Variants in ESCO2 observed in about 807,000 individuals in gnomAD.
ESCO2 encodes establishment of sister chromatid cohesion N-acetyltransferase 2.
In ESCO2, 51 loss-of-function variants were observed where a neutral mutation model predicts 61.7. That is an observed-to-expected ratio of 0.83 (90% CI 0.66 to 1.04). The LOEUF is 1.04. Among genes scored for constraint, ESCO2 ranks in the 50% least tolerant of loss-of-function variants. The probability of loss-of-function intolerance (pLI) is 0.00; values close to 1 mark genes in which losing one functional copy is unlikely to be tolerated. For missense variants in ESCO2, 692 were observed against 686.2 expected (o/e 1.01, Z -0.09); for synonymous variants, 230 against 238.2 (o/e 0.97, Z 0.32).
At chr8:27,809,184 G>A (rs1805620803), downstream of ESCO2, among the ~76,000 whole-genome samples, 1 of 152,138 alleles carries the variant, frequency 6.6e-6, no homozygotes, top group Non-Finnish European at 1.5e-5. Context: ...AGACCCTATT[G>A]AGTATCAGGA....
At chr8:27,819,325 T>G in the ESCO2 span, among the ~76,000 whole-genome samples, 1 of 122,010 alleles carries the variant, frequency 8.2e-6, no homozygotes, top group Non-Finnish European at 1.8e-5. Flanking sequence ...CAGTTGAATA[T>G]TCAACTTAAC....
downstream of ESCO2, among the ~76,000 whole-genome samples, chr8:27,811,783 T>C (rs562501935): frequency 6.6e-5 from 10 of 152,214 alleles, no homozygotes; most frequent in South Asian, 1.9e-3. Context: ...CAGTCATATA[T>C]TTCTCCACTT....
chr8:27,792,170 A>T (rs577199501), intron 8 of ESCO2, 118 bp downstream of exon 8: 1 of 917,962 alleles, frequency 1.1e-6, no homozygotes, highest in Non-Finnish European at 1.8e-6. Context: ...CTTAATGATT[A>T]CTTTCATAGC....
intron 9 of ESCO2, among the ~76,000 whole-genome samples, chr8:27,799,261 A>G (rs895387532): frequency 1.3e-5 from 2 of 152,166 alleles, no homozygotes; most frequent in African/African-American, 4.8e-5. Context: ...AGAGAGTTTT[A>G]TATACTTTAT....
At chr8:27,782,146 T>C (rs1368773445) in intron 4 of ESCO2, among the ~76,000 whole-genome samples, 2 of 152,244 alleles carry the variant, frequency 1.3e-5, no homozygotes, top group African/African-American at 2.4e-5. Context: ...TCTCGGACAG[T>C]GAGACACTTA....
At chr8:27,782,931 A>C (rs1804957404) in intron 4 of ESCO2, among the ~76,000 whole-genome samples, 1 of 152,020 alleles carries the variant, frequency 6.6e-6, no homozygotes, top group Admixed American at 6.6e-5. Context: ...CATTTCTCAC[A>C]GTCTGCATTC....
At chr8:27,818,266 C>T in the ESCO2 span, among the ~76,000 whole-genome samples, 1 of 152,212 alleles carries the variant, frequency 6.6e-6, no homozygotes, top group Non-Finnish European at 1.5e-5. Context: ...ACAAGTTCTA[C>T]TTAGTGTATG....
At chr8:27,810,998 C>T (rs2272691), downstream of ESCO2, 7,517 of 1,610,960 alleles carry the variant, frequency 4.7e-3, 143 homozygotes, top group African/African-American at 0.052. Context: ...TGTGTGGAAT[C>T]GATAAAGTCA....
At chr8:27,801,967 G>A (rs1035437982) in intron 10 of ESCO2, among the ~76,000 whole-genome samples, 2 of 103,398 alleles carry the variant, frequency 1.9e-5, no homozygotes, top group African/African-American at 6.5e-5. Flanking sequence ...GTCCTTCATG[G>A]CATTTTTTTT....
At chr8:27,786,725 C>T (rs1331876330) in intron 5 of ESCO2, among the ~76,000 whole-genome samples, 1 of 150,480 alleles carries the variant, frequency 6.6e-6, no homozygotes, top group East Asian at 1.9e-4. Flanking sequence ...AACTACTTTT[C>T]AGACAAATGG....
At chr8:27,799,802 A>G in intron 10 of ESCO2, 86 bp downstream of exon 10, 1 of 1,439,790 alleles carries the variant, frequency 6.9e-7, no homozygotes, top group Non-Finnish European at 9.8e-7. Context: ...AGGGAAGGAT[A>G]TTGGTAAGAT....
chr8:27,800,283 CAAT>C lies in ESCO2; in HGVS notation c.1673+570_1673+572del, dbSNP rs1193552605. ...TACCCATAAAATAATTCTTATAACA[CAAT>C]AAAAAGACAACCTAATTTAAAAATG... On this transcript the variant is annotated intron_variant, in intron 10 of 10. Coordinates refer to ENST00000305188, the MANE Select transcript of ESCO2 (RefSeq NM_001017420.3). 2.0e-5 allele frequency among the ~76,000 whole-genome samples: 3 copies of C among 152,202 alleles called. No homozygotes were observed. The South Asian group carries it at 6.2e-4, about 32-fold the overall frequency.
chr8:27,819,361 GT>G, the ESCO2 span, among the ~76,000 whole-genome samples: 5 of 151,822 alleles, frequency 3.3e-5, no homozygotes, highest in Non-Finnish European at 5.9e-5. Flanking sequence ...TAATGAAAAT[GT>G]TTCCTTTGAG....
At chr8:27,791,295 T>C (rs2128955692) in intron 7 of ESCO2, among the ~76,000 whole-genome samples, 1 of 152,256 alleles carries the variant, frequency 6.6e-6, no homozygotes, top group Middle Eastern at 3.4e-3. Context: ...ACCTCATTTT[T>C]TCCAATCAGT....
At chr8:27,808,684 CAAAAAAA>C (rs34162059), downstream of ESCO2, among the ~76,000 whole-genome samples, 2 of 106,590 alleles carry the variant, frequency 1.9e-5, no homozygotes, top group Non-Finnish European at 3.7e-5. Flanking sequence ...GACCCTGTCT[CAAAAAAA>C]AAAAAAAAAA....
rs1050127012 is a variant in ESCO2, at chr8:27,803,764, T to C, written c.*326T>C. On this transcript the variant is annotated 3_prime_UTR_variant, in exon 11 of 11. Transcript: ENST00000305188. Reference sequence around the variant, plus strand: ...TGTAAGAGTATTAAATACAAAGTGATTTTTCTCTAGAAATGTGACCTGGTC... The same window carrying C: ...TGTAAGAGTATTAAATACAAAGTGACTTTTCTCTAGAAATGTGACCTGGTC... 3 of 1,057,430 alleles carry C rather than the reference T, an allele frequency of 2.8e-6. No homozygotes were observed. The African/African-American group carries it at 5.1e-5, about 18-fold the overall frequency. 65.5% of individuals were successfully genotyped at this position (1,057,430 alleles called of 1,614,324 possible). A position where few individuals can be genotyped will look rare whatever the true frequency, so the allele number is the denominator to read the frequency against.
At chr8:27,777,283 G>A (rs1804816461) in intron 3 of ESCO2, 114 bp downstream of exon 3, 1 of 953,924 alleles carries the variant, frequency 1.0e-6, no homozygotes, top group Non-Finnish European at 1.5e-6. Context: ...AGATAGCATA[G>A]TGTTTAGTTA....
chr8:27,799,817 C>T, intron 10 of ESCO2, 101 bp downstream of exon 10: 1 of 1,353,928 alleles, frequency 7.4e-7, no homozygotes, highest in South Asian at 1.2e-5. Context: ...TAAGATACTT[C>T]AGTATAAATA....
Position 27,788,018 on chromosome 8 carries a change from A to G in ESCO2, c.1131+16A>G. The G allele has an allele frequency of 2.5e-6, 4 of 1,575,954 alleles. No homozygotes were observed. Among genetic ancestry groups the G allele is most frequent in the Non-Finnish European group, 2.6e-6 (3 of 1,145,634 alleles). On this transcript the variant is annotated intron_variant, in intron 6 of 10. Transcript: ENST00000305188. ...GCTCATCATCGTGAGTAAATTCCAA[A>G]CAAAGCTTCTCCTATCTAGCCCTTT... is the stretch of plus-strand genomic sequence containing the variant.
Sources: gnomAD v4.1 joint callset for allele counts (sites outside exome capture counted in the v4.1 genomes callset) on GRCh38, gnomAD v4.1.1 for gene constraint, MANE v1.5 for transcripts, NCBI Gene and HGNC (gene_info 2026-07-23, HGNC 2026-07-21) for gene names.